The following CMC2 variants were observed in gnomAD, a reference collection of about 807,000 sequenced individuals.
The protein encoded by CMC2 is COX assembly mitochondrial protein 2 homolog.
In CMC2, 5 loss-of-function variants were observed where a neutral mutation model predicts 7.5. That is an observed-to-expected ratio of 0.66 (90% CI 0.35 to 1.40). CMC2 has a LOEUF of 1.40. Ranked by LOEUF, CMC2 falls within the 40% of genes most tolerant of loss-of-function variation. CMC2 has a pLI of 0.04. For missense variants in CMC2, 115 were observed against 92.3 expected (o/e 1.25, Z -1.01); for synonymous variants, 37 against 31.4 (o/e 1.18, Z -0.60).
intron 1 of CMC2, among the ~76,000 whole-genome samples, chr16:81,002,257 T>G (rs1234845795): frequency 6.6e-6 from 1 of 152,042 alleles, no homozygotes; most frequent in Admixed American, 6.6e-5. Context: ...AAACCCCATC[T>G]CTACTAAAAA....
intron 2 of CMC2, among the ~76,000 whole-genome samples, chr16:80,992,796 A>G (rs1968110887): frequency 6.7e-6 from 1 of 148,848 alleles, no homozygotes; most frequent in African/African-American, 2.5e-5. Flanking sequence ...TGGGTAAGTG[A>G]TCCTACTACC....
At chr16:80,990,103 T>A (rs57605990) in intron 2 of CMC2, among the ~76,000 whole-genome samples, 1 of 22,176 alleles carries the variant, frequency 4.5e-5, no homozygotes, top group African/African-American at 7.1e-5. Context: ...TTTCATTCCC[T>A]CCCCTTTTTT....
chr16:80,978,072 C>CAAAAAAAAA (rs57080796), intron 3 of CMC2, among the ~76,000 whole-genome samples: 13,438 of 143,588 alleles, frequency 0.094, 809 homozygotes, highest in East Asian at 0.32. Context: ...GACTTCGTCT[C>CAAAAAAAAA]AAAAAAAAAG....
intron 2 of CMC2, among the ~76,000 whole-genome samples, chr16:80,988,955 G>A (rs951060743): frequency 6.6e-6 from 1 of 152,102 alleles, no homozygotes; most frequent in Non-Finnish European, 1.5e-5. Flanking sequence ...TTTGTCTGGT[G>A]TTTCTTCACA....
rs370049304 is a variant in CMC2 at position 80,986,045 on chromosome 16, T to C, written c.82-4168A>G. ...ATAACGCATTGTATAGGCAAAAGGATCTATTAAAAAGGTGACAATGAGCCA... is the reference window on the plus strand; with the variant it reads ...ATAACGCATTGTATAGGCAAAAGGACCTATTAAAAAGGTGACAATGAGCCA... On this transcript the variant is annotated intron_variant, in intron 2 of 3. Coordinates refer to ENST00000219400, the MANE Select transcript of CMC2 (RefSeq NM_020188.5). 1.3e-4 allele frequency among the ~76,000 whole-genome samples: 20 copies of C among 151,956 alleles called. 1 individual carries two copies. In the South Asian group the frequency reaches 4.2e-3, roughly 32 times the overall value.
At chr16:80,986,984 G>C (rs978531233) in intron 2 of CMC2, among the ~76,000 whole-genome samples, 3 of 152,180 alleles carry the variant, frequency 2.0e-5, no homozygotes, top group Admixed American at 6.5e-5. Flanking sequence ...GGAAAACCAG[G>C]GAAGAGAAAG....
intron 1 of CMC2, among the ~76,000 whole-genome samples, chr16:81,002,588 T>C (rs1968947140): frequency 6.6e-6 from 1 of 152,178 alleles, no homozygotes; most frequent in African/African-American, 2.4e-5. Flanking sequence ...CTGAAATGAT[T>C]TCTTTAATTG....
chr16:80,975,929 A>G lies in CMC2; in HGVS notation c.*164T>C. The stretch of plus-strand genomic sequence containing the variant: ...GACAGTACTAAACGCCCTGCCCAAC[A>G]AATACTCAGAATCCAGGGTTTTCAT... On this transcript the variant is annotated 3_prime_UTR_variant, in exon 4 of 4. Transcript: ENST00000219400. The G allele has an allele frequency of 1.7e-6, 1 of 595,610 alleles. No individual in the cohort carries two copies. Among genetic ancestry groups the G allele is most frequent in the Admixed American group, 3.1e-5 (1 of 32,698 alleles). 36.9% of individuals were successfully genotyped at this position (595,610 alleles called of 1,614,324 possible).
Position 80,974,065 on chromosome 16 carries a change from C to T in CMC2, c.*2028G>A, listed in dbSNP as rs1267149451. On this transcript the variant is annotated 3_prime_UTR_variant, in exon 4 of 4. Coordinates refer to ENST00000219400, the MANE Select transcript of CMC2 (RefSeq NM_020188.5). Reference sequence around the variant, plus strand: ...CAGACCTAAATACCCAGCAGCAACCCGGAAGCCCTCTCCCGCTGGATCCTC... The same window carrying T: ...CAGACCTAAATACCCAGCAGCAACCTGGAAGCCCTCTCCCGCTGGATCCTC... 1 of 152,180 alleles carries T rather than the reference C, an allele frequency of 6.6e-6. No homozygotes were observed. Among genetic ancestry groups the T allele is most frequent in the Non-Finnish European group, 1.5e-5 (1 of 68,050 alleles). 9.4% of individuals were successfully genotyped at this position (152,180 alleles called of 1,614,324 possible).
intron 3 of CMC2, 22 bp downstream of exon 3, chr16:80,981,784 C>G: frequency 6.7e-7 from 1 of 1,503,678 alleles, no homozygotes; most frequent in Non-Finnish European, 9.2e-7. Context: ...CAACCATATC[C>G]ATCCTTTGAC....
chr16:81,001,921 CGAAAAAA>C (rs1205430377), intron 1 of CMC2, among the ~76,000 whole-genome samples: 4 of 151,926 alleles, frequency 2.6e-5, no homozygotes, highest in Non-Finnish European at 5.9e-5. Flanking sequence ...TCATTTGAAA[CGAAAAAA>C]GAAAATGCAG....
rs753814170 is a variant in CMC2 at position 80,976,095 on chromosome 16, A to G, written c.238T>C (p.Ter80GlnextTer33). Residue 80 changes from the stop codon to glutamine (Q), a stop_lost, in exon 4 of 4, where the codon TAA becomes CAA. Coordinates refer to ENST00000219400, the MANE Select transcript of CMC2 (RefSeq NM_020188.5). ...AAGGCATCGAGTGAAAATACAATTTATTTTTCGGATTCCTCTGGAGGATTA... is the reference window on the plus strand; with the variant it reads ...AAGGCATCGAGTGAAAATACAATTTGTTTTTCGGATTCCTCTGGAGGATTA... ...LFNPPEESEK[*>Q] is the part of the protein sequence containing the mutation. The G allele has an allele frequency of 1.0e-5, 16 of 1,577,440 alleles. No individual in the cohort carries two copies. The highest frequency in any genetic ancestry group is 1.4e-5 in the Non-Finnish European group (16 of 1,147,290).
intron 1 of CMC2, among the ~76,000 whole-genome samples, chr16:81,002,470 A>T (rs1010490979): frequency 6.6e-6 from 1 of 152,150 alleles, no homozygotes; most frequent in Non-Finnish European, 1.5e-5. Flanking sequence ...ATCACTAGAA[A>T]ATGTCTCTAA....
At position 80,992,732 on chromosome 16, in the gene CMC2, C is replaced by A. The variant is rs1321745048; in HGVS notation, c.81+4582G>T. Among the ~76,000 whole-genome samples the A allele has an allele frequency of 4.3e-5, 5 of 117,300 alleles. No individual in the cohort carries two copies. In the East Asian group the frequency reaches 1.1e-3, roughly 26 times the overall value. 77.0% of individuals were successfully genotyped at this position (117,300 alleles called of 152,430 possible). Reference sequence around the variant, plus strand: ...TTTTTTTTTTTTTTTTGTGTAAAGACAGGGTCTCACTTTGTCACACAGGCT... The same window carrying A: ...TTTTTTTTTTTTTTTTGTGTAAAGAAAGGGTCTCACTTTGTCACACAGGCT... On this transcript the variant is annotated intron_variant, in intron 2 of 3. Transcript: ENST00000219400.
At chr16:80,995,926 A>G (rs1968380655) in intron 2 of CMC2, among the ~76,000 whole-genome samples, 2 of 152,176 alleles carry the variant, frequency 1.3e-5, no homozygotes, top group South Asian at 4.1e-4. Context: ...ATTACACCTC[A>G]ATAAAGTTAA....
chr16:80,973,648 G>C lies in CMC2; in HGVS notation c.*2445C>G, dbSNP rs1421912550. On this transcript the variant is annotated 3_prime_UTR_variant, in exon 4 of 4. Transcript: ENST00000219400. ...TTCCCTGAGGTGATGTCCAAGGCCT[G>C]TGTGTTCTGGCCCTGCCCACCTGTG... is the stretch of plus-strand genomic sequence containing the variant. 6.6e-6 allele frequency: 1 copy of C among 152,230 alleles called. No individual in the cohort carries two copies. Among genetic ancestry groups the C allele is most frequent in the Non-Finnish European group, 1.5e-5 (1 of 68,074 alleles). The allele number at this position is 152,230 out of a possible 1,614,324, so 9.4% of individuals were successfully genotyped here.
rs1032925787 is a variant in CMC2, at chr16:80,968,904, A to G, written c.*7189T>C. ...AAAAGATGGAAGATACTGAGTCTCT[A>G]CGAGGAATGGTGTGAGAAACAAGAA... On this transcript the variant is annotated 3_prime_UTR_variant, in exon 4 of 4. Coordinates refer to ENST00000219400, the MANE Select transcript of CMC2 (RefSeq NM_020188.5). 1 of 152,276 alleles carries G rather than the reference A, an allele frequency of 6.6e-6. No homozygotes were observed. Among genetic ancestry groups the G allele is most frequent in the Non-Finnish European group, 1.5e-5 (1 of 68,068 alleles). The allele number at this position is 152,276 out of a possible 1,614,324, so 9.4% of individuals were successfully genotyped here. A position where few individuals can be genotyped will look rare whatever the true frequency, so the allele number is the denominator to read the frequency against.
chr16:80,971,565 TA>T lies in CMC2; in HGVS notation c.*4527del, dbSNP rs1567498802. 1.1e-4 allele frequency: 10 copies of T among 93,554 alleles called. No homozygotes were observed. Among genetic ancestry groups the T allele is most frequent in the African/African-American group, 7.2e-4 (10 of 13,856 alleles). 5.8% of individuals were successfully genotyped at this position (93,554 alleles called of 1,614,324 possible). A position where few individuals can be genotyped will look rare whatever the true frequency, so the allele number is the denominator to read the frequency against. ...TATGGATACTGACATACATACATTT[TA>T]TATATATATATATATATATGTATGA... is the stretch of plus-strand genomic sequence containing the variant. On this transcript the variant is annotated 3_prime_UTR_variant, in exon 4 of 4. Transcript: ENST00000219400.
rs796869059 is a variant in CMC2, at chr16:81,005,352, C to T, written c.-36+1382G>A. On this transcript the variant is annotated intron_variant, in intron 1 of 3. Transcript: ENST00000219400. The stretch of plus-strand genomic sequence containing the variant: ...ACTAGAACTCGGGAGGTGGAGGTTG[C>T]AGTGAGCCGAGATCGCGCCACTGCA... Among the ~76,000 whole-genome samples, 15 of 152,160 alleles carry T rather than the reference C, an allele frequency of 9.9e-5. No homozygotes were observed. The South Asian group carries it at 1.2e-3, about 13-fold the overall frequency.
Sources: allele counts gnomAD v4.1 joint callset (sites outside exome capture counted in the v4.1 genomes callset), GRCh38; gene constraint gnomAD v4.1.1; transcripts MANE v1.5; gene names NCBI Gene and HGNC (gene_info 2026-07-23, HGNC 2026-07-21).